The following ZNF469 variants were observed in gnomAD, a reference collection of about 807,000 sequenced individuals.
ZNF469 encodes the protein zinc finger protein 469.
In ZNF469, 1 loss-of-function variant was observed where a neutral mutation model predicts 1.0. The observed-to-expected ratio is 1.00, with a 90% CI of 0.35 to 4.73. The LOEUF (loss-of-function observed/expected upper bound fraction) is 4.73. Ranked by LOEUF, ZNF469 falls within the 30% of genes most tolerant of loss-of-function variation. The pLI is 0.16. For missense variants in ZNF469, 6,100 were observed against 5,356.3 expected (o/e 1.14, Z -4.33); for synonymous variants, 2,703 against 2,363.4 (o/e 1.14, Z -4.17).
the ZNF469 span, among the ~76,000 whole-genome samples, chr16:88,107,452 A>G: frequency 6.6e-6 from 1 of 152,222 alleles, no homozygotes; most frequent in African/African-American, 2.4e-5. Flanking sequence ...TCATGAGAAC[A>G]GCATGGAGGA....
At chr16:88,379,773 G>A (rs1165909346), upstream of ZNF469, among the ~76,000 whole-genome samples, 2 of 152,150 alleles carry the variant, frequency 1.3e-5, no homozygotes, top group African/African-American at 4.8e-5. Context: ...AAGGCAAGGG[G>A]TGGACGGTGG....
chr16:88,229,971 G>A, the ZNF469 span, among the ~76,000 whole-genome samples: 1 of 152,168 alleles, frequency 6.6e-6, no homozygotes. Context: ...GGTTGGGTCT[G>A]GGATCCAGGG....
At position 88,430,383 on chromosome 16, in the gene ZNF469, C is replaced by T. The variant is rs60462217; in HGVS notation, c.2913C>T (p.Gly971=). 3 of 1,512,812 alleles carry T rather than the reference C, an allele frequency of 2.0e-6. No individual in the cohort carries two copies. The highest frequency in any genetic ancestry group is 2.6e-6 in the Non-Finnish European group (3 of 1,132,982). The allele number at this position is 1,512,812 out of a possible 1,614,324, so 93.7% of individuals were successfully genotyped here. A position where few individuals can be genotyped will look rare whatever the true frequency, so the allele number is the denominator to read the frequency against. Residue 971 remains glycine (G), a synonymous_variant, in exon 3 of 3, where the codon GGC becomes GGT. Transcript: ENST00000565624. ...GGAAEGSGSG[G]GGRASGLRPR... ...CAGCAGAGGGGTCGGGGTCGGGCGG[C>T]GGCGGCAGAGCCTCCGGCCTGAGGC...
chr16:88,257,773 G>T, the ZNF469 span, among the ~76,000 whole-genome samples: 2 of 152,180 alleles, frequency 1.3e-5, no homozygotes, highest in African/African-American at 2.4e-5. Context: ...CTTGGACAAA[G>T]CACACACCCT....
the ZNF469 span, among the ~76,000 whole-genome samples, chr16:88,118,547 C>G: frequency 6.6e-6 from 1 of 152,188 alleles, no homozygotes; most frequent in South Asian, 2.1e-4. Flanking sequence ...TCCGCCTCTG[C>G]AGAAGGAGGG....
intron 1 of ZNF469, among the ~76,000 whole-genome samples, chr16:88,405,917 C>G (rs1031951125): frequency 3.3e-5 from 5 of 152,272 alleles, no homozygotes; most frequent in African/African-American, 7.2e-5. Flanking sequence ...ACCCCCGCCC[C>G]CAAAACACAC....
the ZNF469 span, among the ~76,000 whole-genome samples, chr16:88,126,615 C>T: frequency 7.1e-5 from 8 of 113,390 alleles, no homozygotes; most frequent in South Asian, 2.8e-3. Flanking sequence ...GCCAACTCTG[C>T]ATTTTTGGGA....
the ZNF469 span, among the ~76,000 whole-genome samples, chr16:88,326,692 C>T: frequency 1.3e-5 from 2 of 152,124 alleles, no homozygotes; most frequent in African/African-American, 2.4e-5. Flanking sequence ...TTTGCTTTAA[C>T]GTCACTGACT....
intron 1 of ZNF469, among the ~76,000 whole-genome samples, chr16:88,396,073 C>T (rs1043297294): frequency 2.6e-5 from 4 of 152,264 alleles, no homozygotes; most frequent in Non-Finnish European, 5.9e-5. Context: ...CACGTCCCTT[C>T]TCCCCGTAAT....
the ZNF469 span, among the ~76,000 whole-genome samples, chr16:88,242,228 C>T: frequency 6.6e-6 from 1 of 152,216 alleles, no homozygotes; most frequent in Non-Finnish European, 1.5e-5. Flanking sequence ...TCAAGGGCTT[C>T]TCATCAGCGG....
At chr16:88,204,266 T>C in the ZNF469 span, among the ~76,000 whole-genome samples, 2 of 149,182 alleles carry the variant, frequency 1.3e-5, no homozygotes, top group African/African-American at 2.5e-5. Context: ...CATAACCCCA[T>C]AGAGCAGCCG....
At chr16:88,368,151 C>A in the ZNF469 span, among the ~76,000 whole-genome samples, 2 of 152,268 alleles carry the variant, frequency 1.3e-5, no homozygotes, top group Non-Finnish European at 2.9e-5. Flanking sequence ...GACACTGGGC[C>A]TCACTGCTGC....
chr16:88,290,237 G>C, the ZNF469 span, among the ~76,000 whole-genome samples: 13 of 152,358 alleles, frequency 8.5e-5, no homozygotes, highest in East Asian at 1.9e-3. Flanking sequence ...TTCCTGTGCA[G>C]CTGATGGACT....
chr16:88,215,383 A>ACTTTTTTTTTTTTTT, the ZNF469 span, among the ~76,000 whole-genome samples: 9 of 94,188 alleles, frequency 9.6e-5, no homozygotes, highest in African/African-American at 2.6e-4. Context: ...TTGCCTTTTA[A>ACTTTTTTTTTTTTTT]TTTTTTTTTT....
At chr16:88,327,508 G>C in the ZNF469 span, among the ~76,000 whole-genome samples, 1 of 152,174 alleles carries the variant, frequency 6.6e-6, no homozygotes, top group Admixed American at 6.5e-5. Context: ...CCCAGGGCCA[G>C]CTAGGGGCCA....
At chr16:88,387,668 A>G (rs140726782) in intron 1 of ZNF469, among the ~76,000 whole-genome samples, 1 of 152,046 alleles carries the variant, frequency 6.6e-6, no homozygotes, top group Admixed American at 6.6e-5. Context: ...AGAATTCCAA[A>G]TATAAGCTGT....
chr16:88,256,704 C>T, the ZNF469 span, among the ~76,000 whole-genome samples: 4 of 152,122 alleles, frequency 2.6e-5, no homozygotes, highest in Admixed American at 2.6e-4. Context: ...GCTCCACATC[C>T]TCGCCCAGCA....
the ZNF469 span, among the ~76,000 whole-genome samples, chr16:88,244,623 A>G: frequency 2.0e-5 from 3 of 150,854 alleles, no homozygotes; most frequent in Non-Finnish European, 4.4e-5. Context: ...ATGGATGTAT[A>G]AGTGAAAGGA....
the ZNF469 span, among the ~76,000 whole-genome samples, chr16:88,157,284 T>C: frequency 6.6e-6 from 1 of 152,156 alleles, no homozygotes; most frequent in Admixed American, 6.5e-5. Context: ...CGGTGCCTGA[T>C]GGACTCAGTG....
Sources: gnomAD v4.1 joint callset for allele counts (sites outside exome capture counted in the v4.1 genomes callset) on GRCh38, gnomAD v4.1.1 for gene constraint, MANE v1.5 for transcripts, NCBI Gene and HGNC (gene_info 2026-07-23, HGNC 2026-07-21) for gene names.